The following IFT80 variants were observed in gnomAD, a reference collection of about 807,000 sequenced individuals.
The protein encoded by IFT80 is intraflagellar transport 80.
Under a neutral mutation model 107.9 loss-of-function variants are expected in IFT80, and 79 were observed. The ratio of observed to expected loss-of-function variants is 0.73; its 90% CI spans 0.61 to 0.88. IFT80 has a LOEUF of 0.88. Among genes scored for constraint, IFT80 ranks in the 40% least tolerant of loss-of-function variants. The probability of loss-of-function intolerance (pLI) is 0.00; values close to 1 mark genes in which losing one functional copy is unlikely to be tolerated. For missense variants in IFT80, 797 were observed against 914.2 expected (o/e 0.87, Z 1.65); for synonymous variants, 299 against 300.9 (o/e 0.99, Z 0.07).
chr3:160,393,572 T>TGAA lies in IFT80; in HGVS notation c.-47+5573_-47+5574insTTC, dbSNP rs549414971. 1.2e-4 allele frequency among the ~76,000 whole-genome samples: 18 copies of TGAA among 152,254 alleles called. No homozygotes were observed. The South Asian group carries it at 3.5e-3, about 30-fold the overall frequency. On this transcript the variant is annotated intron_variant, in intron 1 of 19. Transcript: ENST00000326448. The stretch of plus-strand genomic sequence containing the variant: ...TGGGTACAGTTTCAGTTCTGCAAGA[T>TGAA]GAGTTCTGTGGATGGATGGAAGAAT...
chr3:160,313,449 C>T (rs1717562773), intron 9 of IFT80, among the ~76,000 whole-genome samples: 1 of 151,830 alleles, frequency 6.6e-6, no homozygotes, highest in Admixed American at 6.6e-5. Flanking sequence ...TTCCCTAAAG[C>T]CTCACATGGA....
At chr3:160,378,014 T>C (rs1310838760) in intron 3 of IFT80, 1 of 152,786 alleles carries the variant, frequency 6.5e-6, no homozygotes, top group Non-Finnish European at 1.5e-5. Flanking sequence ...TTGACTTGTC[T>C]CTCTGACATC....
At position 160,356,084 on chromosome 3, in the gene IFT80, C is replaced by T; in HGVS notation, c.706G>A (p.Ala236Thr). 1 of 1,614,136 alleles carries T rather than the reference C, an allele frequency of 6.2e-7. No individual in the cohort carries two copies. The highest frequency in any genetic ancestry group is 8.5e-7 in the Non-Finnish European group (1 of 1,179,988). Reference protein sequence around the residue: ...QPHEHPITSVAWAPDGELFAV... With the variant: ...QPHEHPITSVTWAPDGELFAV... ...AATAATTCTCCATCTGGAGCCCAGGCAACTGAAGTAATGGGATGCTCATGA... is the reference window on the plus strand; with the variant it reads ...AATAATTCTCCATCTGGAGCCCAGGTAACTGAAGTAATGGGATGCTCATGA... Residue 236 changes from alanine (A) to threonine (T), a missense_variant, in exon 8 of 20, where the codon GCC becomes ACC. Ala to Thr is a moderately conservative substitution (Grantham distance 58). Transcript: ENST00000326448.
chr3:160,348,598 A>G (rs1720460733), intron 8 of IFT80, among the ~76,000 whole-genome samples: 1 of 152,242 alleles, frequency 6.6e-6, no homozygotes, highest in Non-Finnish European at 1.5e-5. Context: ...TACACTCCAG[A>G]AAAATTAAAA....
chr3:160,314,034 C>T (rs774302467), intron 9 of IFT80, among the ~76,000 whole-genome samples: 3 of 152,140 alleles, frequency 2.0e-5, no homozygotes, highest in Admixed American at 1.3e-4. Context: ...CTCAGATTGA[C>T]ATAAGTCTAA....
chr3:160,259,703 G>T (rs1712666441), intron 19 of IFT80, among the ~76,000 whole-genome samples: 1 of 152,152 alleles, frequency 6.6e-6, no homozygotes, highest in East Asian at 1.9e-4. Flanking sequence ...AGACTTGTTA[G>T]GAATAGACTC....
chr3:160,268,931 T>C (rs377570359), intron 18 of IFT80, among the ~76,000 whole-genome samples: 1 of 152,204 alleles, frequency 6.6e-6, no homozygotes, highest in East Asian at 1.9e-4. Context: ...TAAATATGCA[T>C]TGAAAATATT....
intron 5 of IFT80, among the ~76,000 whole-genome samples, chr3:160,373,943 T>A (rs1711767620): frequency 6.6e-6 from 1 of 152,212 alleles, no homozygotes; most frequent in African/African-American, 2.4e-5. Context: ...AGACAGCTAC[T>A]GGTCTGTGGC....
chr3:160,377,883 T>C (rs904492175), intron 3 of IFT80: 9 of 163,956 alleles, frequency 5.5e-5, no homozygotes, highest in Non-Finnish European at 7.8e-5. Context: ...CCAATAAATA[T>C]ACCACACCTA....
intron 11 of IFT80, among the ~76,000 whole-genome samples, chr3:160,303,121 C>G (rs1235669046): frequency 1.3e-5 from 2 of 152,086 alleles, no homozygotes; most frequent in Admixed American, 6.6e-5. Flanking sequence ...GAGTTGCCTA[C>G]ATGATGAGGA....
Position 160,316,655 on chromosome 3 carries a change from C to T in IFT80, c.957+3105G>A, listed in dbSNP as rs548732040. On this transcript the variant is annotated intron_variant, in intron 9 of 19. Coordinates refer to ENST00000326448, the MANE Select transcript of IFT80 (RefSeq NM_020800.3). ...ATTGATTTTCCTTTAGGAAACCATT[C>T]CTTCCACTCTTCTCAGTGACTGGCT... Among the ~76,000 whole-genome samples the T allele has an allele frequency of 1.2e-4, 18 of 152,228 alleles. No homozygotes were observed. In the South Asian group the frequency reaches 3.5e-3, roughly 30 times the overall value.
chr3:160,369,300 A>T (rs1405420486), intron 5 of IFT80, among the ~76,000 whole-genome samples: 1 of 151,950 alleles, frequency 6.6e-6, no homozygotes, highest in African/African-American at 2.4e-5. Context: ...AAACAAATAA[A>T]TTATTTATTT....
rs180992676 is a variant in IFT80, at chr3:160,258,417, T to C, written c.*108A>G. 1.2e-3 allele frequency: 1,678 copies of C among 1,347,204 alleles called. 1 individual carries two copies. Among genetic ancestry groups the C allele is most frequent in the Non-Finnish European group, 1.5e-3 (1,431 of 960,808 alleles). 83.5% of individuals were successfully genotyped at this position (1,347,204 alleles called of 1,614,324 possible). A position where few individuals can be genotyped will look rare whatever the true frequency, so the allele number is the denominator to read the frequency against. ...ACACTAAATACACAGCAAGTACTTA[T>C]ACTCGGTTAAAGATTATGCTTTTTT... On this transcript the variant is annotated 3_prime_UTR_variant, in exon 20 of 20. Transcript: ENST00000326448.
chr3:160,287,901 C>G (rs1576755464), intron 12 of IFT80, among the ~76,000 whole-genome samples: 1 of 152,106 alleles, frequency 6.6e-6, no homozygotes. Context: ...GGAACAGGCA[C>G]TAGCCTCAGA....
At chr3:160,298,923 C>T (rs954276091) in intron 12 of IFT80, among the ~76,000 whole-genome samples, 5 of 151,958 alleles carry the variant, frequency 3.3e-5, no homozygotes, top group African/African-American at 1.2e-4. Flanking sequence ...TGACATTACT[C>T]GGTGATAAGA....
At chr3:160,333,401 T>A (rs1228438402) in intron 8 of IFT80, among the ~76,000 whole-genome samples, 1 of 152,220 alleles carries the variant, frequency 6.6e-6, no homozygotes, top group East Asian at 1.9e-4. Flanking sequence ...TTTTCCTTTA[T>A]AAACCTCTTA....
chr3:160,376,445 T>G (rs531042694), intron 4 of IFT80, among the ~76,000 whole-genome samples: 1 of 152,180 alleles, frequency 6.6e-6, no homozygotes, highest in African/African-American at 2.4e-5. Flanking sequence ...TGACAAACCA[T>G]TGGAAAACAT....
intron 8 of IFT80, among the ~76,000 whole-genome samples, chr3:160,337,785 A>G (rs555340527): frequency 6.6e-6 from 1 of 152,248 alleles, no homozygotes; most frequent in South Asian, 2.1e-4. Context: ...TCTTTTCTTT[A>G]GATGGCCAAA....
At chr3:160,319,628 T>C (rs1418457502) in intron 9 of IFT80, 132 bp downstream of exon 9, 4 of 811,692 alleles carry the variant, frequency 4.9e-6, no homozygotes, top group Admixed American at 2.5e-5. Flanking sequence ...AATGGAATAG[T>C]TAAAATATTT....
Sources: allele counts gnomAD v4.1 joint callset (sites outside exome capture counted in the v4.1 genomes callset), GRCh38; gene constraint gnomAD v4.1.1; transcripts MANE v1.5; gene names NCBI Gene and HGNC (gene_info 2026-07-23, HGNC 2026-07-21).